ATP1B3: variants seen among roughly 807,000 people sequenced by gnomAD.
ATP1B3 encodes sodium/potassium-transporting ATPase subunit beta-3.
Under a neutral mutation model 30.2 loss-of-function variants are expected in ATP1B3, and 10 were observed. The observed-to-expected ratio is 0.33, with a 90% CI of 0.20 to 0.56. The LOEUF is 0.56. ATP1B3 is among the 20% of genes least tolerant of loss of function. The pLI is 0.90. For missense variants in ATP1B3, 238 were observed against 336.7 expected, an observed-to-expected ratio of 0.71 and a Z score of 2.29; for synonymous variants, 113 against 117.0, an observed-to-expected ratio of 0.97 and a Z score of 0.22.
In ATP1B3 at chr3:141,889,504, C is replaced by T. The variant is rs137899672; in HGVS notation, c.109+12594C>T. 1.3e-3 allele frequency among the ~76,000 whole-genome samples: 194 copies of T among 151,704 alleles called. 2 individuals carry two copies. Among genetic ancestry groups the T allele is most frequent in the African/African-American group, 4.5e-3 (186 of 41,320 alleles). On this transcript the variant is annotated intron_variant, in intron 1 of 6. Coordinates refer to ENST00000286371, the MANE Select transcript of ATP1B3 (RefSeq NM_001679.4). ...CAGCACTTTGGGAGGCCGAGGCAGG[C>T]GGATCACCTGAGGTCAGGAGTTCAA...
chr3:141,889,186 C>A (rs1357218599), intron 1 of ATP1B3, among the ~76,000 whole-genome samples: 1 of 152,096 alleles, frequency 6.6e-6, no homozygotes, highest in Non-Finnish European at 1.5e-5. Context: ...TCAGTCACCT[C>A]CCACCAGGCC....
At chr3:141,913,511 A>ATTT in intron 3 of ATP1B3, 141 bp from the exon 4 acceptor site, 1 of 679,056 alleles carries the variant, frequency 1.5e-6, no homozygotes, top group South Asian at 2.4e-5. Flanking sequence ...GGGCAAACTT[A>ATTT]ACATTCTTTC....
At chr3:141,889,962 G>A (rs1300131409) in intron 1 of ATP1B3, among the ~76,000 whole-genome samples, 1 of 150,208 alleles carries the variant, frequency 6.7e-6, no homozygotes, top group Non-Finnish European at 1.5e-5. Flanking sequence ...AAAATATTGT[G>A]CAGTTTTTTC....
intron 1 of ATP1B3, among the ~76,000 whole-genome samples, chr3:141,889,988 C>T (rs893728040): frequency 6.7e-6 from 1 of 149,456 alleles, no homozygotes; most frequent in Admixed American, 6.7e-5. Flanking sequence ...TGATAGGATG[C>T]TGGTATCTAT....
At chr3:141,891,527 A>G (rs967906585) in intron 1 of ATP1B3, among the ~76,000 whole-genome samples, 1 of 152,114 alleles carries the variant, frequency 6.6e-6, no homozygotes, top group Non-Finnish European at 1.5e-5. Context: ...TTTCACATTT[A>G]CTAATTGAAA....
chr3:141,880,617 A>T (rs1267312188), intron 1 of ATP1B3, among the ~76,000 whole-genome samples: 1 of 152,176 alleles, frequency 6.6e-6, no homozygotes, highest in Non-Finnish European at 1.5e-5. Flanking sequence ...TTTAATGATG[A>T]AATAGAATAG....
chr3:141,888,609 A>G (rs963467846), intron 1 of ATP1B3, among the ~76,000 whole-genome samples: 1 of 152,164 alleles, frequency 6.6e-6, no homozygotes, highest in Non-Finnish European at 1.5e-5. Flanking sequence ...ATTGACTCAC[A>G]TGATATGGCT....
At chr3:141,886,917 C>G (rs918860764) in intron 1 of ATP1B3, among the ~76,000 whole-genome samples, 8 of 152,160 alleles carry the variant, frequency 5.3e-5, no homozygotes, top group African/African-American at 1.9e-4. Context: ...GCTGGACAAT[C>G]ACTTGAGCCT....
At chr3:141,882,686 C>T (rs373310195) in intron 1 of ATP1B3, among the ~76,000 whole-genome samples, 75 of 152,276 alleles carry the variant, frequency 4.9e-4, no homozygotes, top group African/African-American at 1.5e-3. Flanking sequence ...CGGATTCAAG[C>T]GATTCTCCTG....
intron 6 of ATP1B3, 66 bp downstream of exon 6, chr3:141,922,129 C>CGT: frequency 1.0e-6 from 1 of 972,084 alleles, no homozygotes; most frequent in Non-Finnish European, 1.5e-6. Context: ...TGTTGACGTA[C>CGT]CACTTGTCTG....
At chr3:141,907,442 G>C (rs868623556) in intron 3 of ATP1B3, among the ~76,000 whole-genome samples, 168 bp downstream of exon 3, 15 of 151,962 alleles carry the variant, frequency 9.9e-5, no homozygotes, top group South Asian at 4.2e-4. Context: ...CCAACATGGT[G>C]AAACCCCTGG....
chr3:141,915,181 C>T (rs904767067), intron 4 of ATP1B3, among the ~76,000 whole-genome samples: 3 of 152,116 alleles, frequency 2.0e-5, no homozygotes, highest in African/African-American at 7.2e-5. Context: ...TGATAATGGC[C>T]TGAGACCATG....
At chr3:141,917,929 G>A (rs1934497798) in intron 5 of ATP1B3, among the ~76,000 whole-genome samples, 2 of 151,622 alleles carry the variant, frequency 1.3e-5, no homozygotes, top group South Asian at 2.1e-4. Flanking sequence ...CACCACGCCC[G>A]GCTAATTTTT....
intron 1 of ATP1B3, among the ~76,000 whole-genome samples, chr3:141,889,504 C>A (rs137899672): frequency 1.3e-5 from 2 of 151,586 alleles, no homozygotes; most frequent in African/African-American, 4.9e-5. Context: ...CCGAGGCAGG[C>A]GGATCACCTG....
intron 1 of ATP1B3, among the ~76,000 whole-genome samples, chr3:141,894,713 G>A (rs1198285416): frequency 2.0e-5 from 3 of 152,112 alleles, no homozygotes; most frequent in African/African-American, 4.8e-5. Context: ...GCAGCAACAC[G>A]CATGGGGCTG....
At chr3:141,877,222 C>T (rs1933619381) in intron 1 of ATP1B3, among the ~76,000 whole-genome samples, 1 of 151,796 alleles carries the variant, frequency 6.6e-6, no homozygotes, top group Non-Finnish European at 1.5e-5. Flanking sequence ...CGCCGGAAGC[C>T]GGGGACCCCT....
intron 3 of ATP1B3, among the ~76,000 whole-genome samples, chr3:141,910,093 T>C (rs1415206347): frequency 6.6e-6 from 1 of 152,150 alleles, no homozygotes; most frequent in Non-Finnish European, 1.5e-5. Context: ...TGCCTCAGCC[T>C]CTTGAGTAGT....
chr3:141,885,921 A>ACACC lies in ATP1B3; in HGVS notation c.109+9013_109+9016dup, dbSNP rs1553743560. On this transcript the variant is annotated intron_variant, in intron 1 of 6. Coordinates refer to ENST00000286371, the MANE Select transcript of ATP1B3 (RefSeq NM_001679.4). The stretch of plus-strand genomic sequence containing the variant: ...CACACACACACACACACACACACAC[A>ACACC]CACCCCTGTAGTGTTGTTGACCCTG... Among the ~76,000 whole-genome samples, 25 of 148,102 alleles carry ACACC rather than the reference A, an allele frequency of 1.7e-4. No homozygotes were observed. In the South Asian group the frequency reaches 4.4e-3, roughly 26 times the overall value.
intron 6 of ATP1B3, among the ~76,000 whole-genome samples, chr3:141,923,238 A>T (rs921495229): frequency 2.6e-5 from 4 of 151,720 alleles, no homozygotes; most frequent in Admixed American, 2.6e-4. Flanking sequence ...AGACTGCACC[A>T]TTGCACTCCA....
Sources: allele counts gnomAD v4.1 joint callset (sites outside exome capture counted in the v4.1 genomes callset), GRCh38; gene constraint gnomAD v4.1.1; transcripts MANE v1.5; gene names NCBI Gene and HGNC (gene_info 2026-07-23, HGNC 2026-07-21).